SPOP: variants seen among roughly 807,000 people sequenced by gnomAD.
The protein encoded by SPOP is speckle type BTB/POZ protein, also known as speckle-type POZ protein.
A neutral mutation model predicts 45.6 loss-of-function variants in SPOP; 11 were observed. The ratio of observed to expected loss-of-function variants is 0.24; its 90% CI spans 0.15 to 0.40. The LOEUF (loss-of-function observed/expected upper bound fraction) is 0.40, where lower values mean the gene tolerates loss of function less well. SPOP is among the 10% of genes least tolerant of loss of function. SPOP has a pLI of 1.00. For synonymous variants in SPOP, 166 were observed against 166.3 expected (o/e 1.00, Z 0.01); for missense variants, 152 against 465.6 (o/e 0.33, Z 6.20).
In SPOP at chr17:49,631,781, C is replaced by T. The variant is rs202085005; in HGVS notation, c.-66-8905G>A. 4.6e-5 allele frequency among the ~76,000 whole-genome samples: 7 copies of T among 152,274 alleles called. No homozygotes were observed. The East Asian group carries it at 1.3e-3, about 29-fold the overall frequency. On this transcript the variant is annotated intron_variant, in intron 1 of 9. Coordinates refer to ENST00000504102, the MANE Select transcript of SPOP (RefSeq NM_001007228.2). The stretch of plus-strand genomic sequence containing the variant: ...TCCTCAGCCTAGAAAGCTCTTTCTT[C>T]CCTCAGGTCTTTTTATAGGTGGGTC...
At chr17:49,644,545 G>A (rs2072718717) in intron 1 of SPOP, among the ~76,000 whole-genome samples, 1 of 152,096 alleles carries the variant, frequency 6.6e-6, no homozygotes, top group African/African-American at 2.4e-5. Context: ...GTAATGTAAT[G>A]GGGGGTAAAA....
At chr17:49,631,822 G>T (rs2143375288) in intron 1 of SPOP, among the ~76,000 whole-genome samples, 1 of 152,204 alleles carries the variant, frequency 6.6e-6, no homozygotes, top group African/African-American at 2.4e-5. Context: ...TGTCATTTAG[G>T]TCTCCTAGCA....
intron 1 of SPOP, among the ~76,000 whole-genome samples, chr17:49,656,933 G>A (rs371058302): frequency 1.5e-4 from 23 of 152,222 alleles, no homozygotes; most frequent in Admixed American, 6.5e-4. Flanking sequence ...TGTAATCCCA[G>A]CACTTTGGGA....
At chr17:49,634,168 C>A (rs927403194) in intron 1 of SPOP, among the ~76,000 whole-genome samples, 8 of 152,156 alleles carry the variant, frequency 5.3e-5, no homozygotes, top group Non-Finnish European at 8.8e-5. Context: ...GGTCTCAGTT[C>A]CAAAAGAGAA....
At position 49,605,680 on chromosome 17, in the gene SPOP, ACT is replaced by A. The variant is rs1487358782; in HGVS notation, c.837+1568_837+1569del. Among the ~76,000 whole-genome samples the A allele has an allele frequency of 2.3e-5, 3 of 131,688 alleles. No homozygotes were observed. In the East Asian group the frequency reaches 6.8e-4, roughly 30 times the overall value. 86.4% of individuals were successfully genotyped at this position (131,688 alleles called of 152,430 possible). On this transcript the variant is annotated intron_variant, in intron 8 of 9. Coordinates refer to ENST00000504102, the MANE Select transcript of SPOP (RefSeq NM_001007228.2). ...ACTCCAGCCTGGGCAACAGAATGAG[ACT>A]CTGTCTCAAAAAGTAAATAAATAGA...
chr17:49,607,537 G>T (rs917805760), intron 7 of SPOP, among the ~76,000 whole-genome samples, 165 bp from the exon 8 acceptor site: 1 of 152,034 alleles, frequency 6.6e-6, no homozygotes. Flanking sequence ...TAGCCTTTTC[G>T]TCCATCACAT....
Position 49,621,985 on chromosome 17 carries a change from CT to C in SPOP, c.160del (p.Ser54ValfsTer12). On this transcript the variant is annotated frameshift_variant, in exon 3 of 10. Coordinates refer to ENST00000504102, the MANE Select transcript of SPOP (RefSeq NM_001007228.2). LOFTEE classifies it high-confidence loss of function. ...CREEMGEVIKSSTFSSGANDK... is the reference protein window; with the variant it reads ...CREEMGEVIKXSTFSSGANDK... Reference sequence around the variant, plus strand: ...ATTTGCTCCTGATGAAAATGTAGAACTTTTAATGACTTCACCCATTTCCTCC... The same window carrying C: ...ATTTGCTCCTGATGAAAATGTAGAACTTTAATGACTTCACCCATTTCCTCC... The C allele has an allele frequency of 6.2e-7, 1 of 1,613,960 alleles. No individual in the cohort carries two copies. The highest frequency in any genetic ancestry group is 1.7e-4 in the Middle Eastern group (1 of 6,060).
At chr17:49,635,710 C>T (rs1281036701) in intron 1 of SPOP, among the ~76,000 whole-genome samples, 1 of 147,116 alleles carries the variant, frequency 6.8e-6, no homozygotes, top group Non-Finnish European at 1.5e-5. Context: ...TTTCAGCTCA[C>T]TGCAACTTCT....
At chr17:49,675,705 T>C (rs2073190065) in intron 1 of SPOP, among the ~76,000 whole-genome samples, 1 of 152,174 alleles carries the variant, frequency 6.6e-6, no homozygotes, top group Non-Finnish European at 1.5e-5. Context: ...CTTCAGTGAA[T>C]TCAACTAGAC....
chr17:49,622,669 T>C, intron 2 of SPOP, 64 bp downstream of exon 2: 1 of 1,406,210 alleles, frequency 7.1e-7, no homozygotes, highest in Admixed American at 1.7e-5. Context: ...AAAGCAATCC[T>C]ACTCCTTTCG....
chr17:49,638,491 A>G (rs2072584821), intron 1 of SPOP, among the ~76,000 whole-genome samples: 1 of 152,112 alleles, frequency 6.6e-6, no homozygotes, highest in Non-Finnish European at 1.5e-5. Flanking sequence ...GGGGAGGCTG[A>G]GGCAGGAAAA....
intron 6 of SPOP, among the ~76,000 whole-genome samples, chr17:49,610,556 A>C (rs749690899): frequency 6.6e-6 from 1 of 152,214 alleles, no homozygotes; most frequent in African/African-American, 2.4e-5. Context: ...CAGTTGTGAG[A>C]GGGAACAGGA....
intron 6 of SPOP, among the ~76,000 whole-genome samples, chr17:49,609,448 C>T (rs991553931): frequency 2.6e-5 from 4 of 152,110 alleles, no homozygotes; most frequent in African/African-American, 7.2e-5. Flanking sequence ...AAATAGGCAG[C>T]AGCTGATGCA....
At chr17:49,654,817 G>T (rs1255064519) in intron 1 of SPOP, among the ~76,000 whole-genome samples, 2 of 152,088 alleles carry the variant, frequency 1.3e-5, no homozygotes, top group Non-Finnish European at 2.9e-5. Context: ...AAATAAAATG[G>T]CATTCTGGTT....
chr17:49,623,100 C>G (rs2072253782), intron 1 of SPOP, among the ~76,000 whole-genome samples: 1 of 151,924 alleles, frequency 6.6e-6, no homozygotes, highest in Admixed American at 6.6e-5. Flanking sequence ...TCCGCCTTTC[C>G]TGGGTTCAAG....
At chr17:49,627,368 T>C (rs1400516500) in intron 1 of SPOP, among the ~76,000 whole-genome samples, 2 of 152,242 alleles carry the variant, frequency 1.3e-5, no homozygotes, top group Admixed American at 6.5e-5. Flanking sequence ...TAAAGAACTG[T>C]TTTATTTTTC....
intron 1 of SPOP, among the ~76,000 whole-genome samples, chr17:49,655,974 C>A (rs1458620765): frequency 6.6e-6 from 1 of 152,088 alleles, no homozygotes; most frequent in Non-Finnish European, 1.5e-5. Flanking sequence ...CCATGCCCGG[C>A]TAATTTTTTG....
intron 1 of SPOP, among the ~76,000 whole-genome samples, chr17:49,641,942 C>A (rs760710115): frequency 3.3e-5 from 5 of 152,144 alleles, no homozygotes; most frequent in Admixed American, 1.3e-4. Flanking sequence ...AGGAGAATCG[C>A]TTGAACCTGG....
At chr17:49,666,741 T>C (rs1043420287) in intron 1 of SPOP, among the ~76,000 whole-genome samples, 5 of 152,122 alleles carry the variant, frequency 3.3e-5, no homozygotes, top group South Asian at 2.1e-4. Flanking sequence ...GGCAGGAGAA[T>C]CACTTGAACC....
Sources: gnomAD v4.1 joint callset for allele counts (sites outside exome capture counted in the v4.1 genomes callset) on GRCh38, gnomAD v4.1.1 for gene constraint, MANE v1.5 for transcripts, NCBI Gene and HGNC (gene_info 2026-07-23, HGNC 2026-07-21) for gene names.